Variants in ZNF385D observed in about 807,000 individuals in gnomAD.
ZNF385D encodes zinc finger protein 659.
A neutral mutation model predicts 35.8 loss-of-function variants in ZNF385D; 15 were observed. The observed-to-expected ratio is 0.42, with a 90% CI of 0.28 to 0.64. The LOEUF is 0.64. Ranked by LOEUF, ZNF385D falls within the 30% of genes least tolerant of loss-of-function variation. ZNF385D has a pLI of 0.23. For synonymous variants in ZNF385D, 212 were observed against 186.8 expected, an observed-to-expected ratio of 1.13 and a Z score of -1.10; for missense variants, 474 against 494.6, an observed-to-expected ratio of 0.96 and a Z score of 0.39.
At chr3:22,345,751 T>C (rs1695630008) in intron 2 of ZNF385D, among the ~76,000 whole-genome samples, 1 of 152,136 alleles carries the variant, frequency 6.6e-6, no homozygotes, top group Non-Finnish European at 1.5e-5. Flanking sequence ...GGCTGATACA[T>C]TCAATTATTT....
At chr3:22,259,713 A>C (rs1700520507) in intron 2 of ZNF385D, among the ~76,000 whole-genome samples, 1 of 152,036 alleles carries the variant, frequency 6.6e-6, no homozygotes. Context: ...ATGAGCACGT[A>C]GTAGTGAAGA....
intron 3 of ZNF385D, among the ~76,000 whole-genome samples, chr3:21,950,186 G>A (rs942975582): frequency 7.9e-5 from 12 of 151,738 alleles, no homozygotes; most frequent in Non-Finnish European, 1.8e-4. Flanking sequence ...GTGTAAAAGT[G>A]TTCCTGTTTC....
rs548937178 is a variant in ZNF385D at position 21,899,185 on chromosome 3, C to T, written c.326-234157G>A. Among the ~76,000 whole-genome samples, 54 of 152,088 alleles carry T rather than the reference C, an allele frequency of 3.6e-4. 1 individual carries two copies. Among genetic ancestry groups the T allele is most frequent in the African/African-American group, 7.7e-4 (32 of 41,496 alleles). The stretch of plus-strand genomic sequence containing the variant: ...TCTAGATGCCAAGAATGTTACTGTA[C>T]GTGCTACAATGCCCAGGACAGTGCC... On this transcript the variant is annotated intron_variant, in intron 3 of 5. Coordinates refer to the ZNF385D transcript ENST00000494108.
chr3:21,897,264 A>C (rs1422155741), intron 3 of ZNF385D, among the ~76,000 whole-genome samples: 1 of 152,150 alleles, frequency 6.6e-6, no homozygotes, highest in Non-Finnish European at 1.5e-5. Flanking sequence ...TTATTGATAA[A>C]CAGGCAAGAG....
intron 3 of ZNF385D, among the ~76,000 whole-genome samples, chr3:21,980,692 T>C (rs900278657): frequency 1.3e-5 from 2 of 152,180 alleles, no homozygotes; most frequent in Admixed American, 6.6e-5. Context: ...CCAATAGTTA[T>C]CTTTGCTGTT....
chr3:21,812,459 T>C (rs755700812), intron 3 of ZNF385D, among the ~76,000 whole-genome samples: 1 of 152,248 alleles, frequency 6.6e-6, no homozygotes, highest in Non-Finnish European at 1.5e-5. Flanking sequence ...AGGGAAGCCG[T>C]GATAGACGCT....
chr3:21,935,894 A>T (rs1701233631), intron 3 of ZNF385D, among the ~76,000 whole-genome samples: 1 of 152,134 alleles, frequency 6.6e-6, no homozygotes, highest in Non-Finnish European at 1.5e-5. Context: ...ATGTAAACAG[A>T]GTTTGGCTTG....
intron 1 of ZNF385D, among the ~76,000 whole-genome samples, chr3:21,738,600 T>C (rs2069360141): frequency 6.6e-6 from 1 of 152,182 alleles, no homozygotes; most frequent in Admixed American, 6.5e-5. Flanking sequence ...TTCACATCCC[T>C]ATCTCAGGAC....
At chr3:21,735,039 A>C (rs2125502058) in intron 1 of ZNF385D, among the ~76,000 whole-genome samples, 1 of 152,170 alleles carries the variant, frequency 6.6e-6, no homozygotes. Flanking sequence ...GGATCAGAAA[A>C]TTTTAGGGCC....
chr3:22,137,825 T>A (rs1290280068), intron 3 of ZNF385D, among the ~76,000 whole-genome samples: 1 of 151,826 alleles, frequency 6.6e-6, no homozygotes, highest in Non-Finnish European at 1.5e-5. Context: ...GCCAGGGCAA[T>A]CAGGCAGGAG....
At chr3:21,649,013 A>G (rs1290420902) in intron 2 of ZNF385D, among the ~76,000 whole-genome samples, 2 of 152,058 alleles carry the variant, frequency 1.3e-5, no homozygotes, top group South Asian at 2.1e-4. Context: ...CTACAATACA[A>G]ACCTAGGACT....
chr3:21,501,084 C>T (rs1706324435), intron 4 of ZNF385D, among the ~76,000 whole-genome samples: 1 of 152,124 alleles, frequency 6.6e-6, no homozygotes, highest in South Asian at 2.1e-4. Flanking sequence ...ACATGAATAA[C>T]ATGCCTGGTT....
chr3:21,644,634 C>G (rs1175232308), intron 2 of ZNF385D, among the ~76,000 whole-genome samples: 1 of 152,118 alleles, frequency 6.6e-6, no homozygotes, highest in Admixed American at 6.6e-5. Flanking sequence ...ATTTGAGTAC[C>G]TGCTGTATAT....
intron 3 of ZNF385D, among the ~76,000 whole-genome samples, chr3:21,992,911 C>T (rs1179451177): frequency 6.6e-6 from 1 of 152,142 alleles, no homozygotes; most frequent in Non-Finnish European, 1.5e-5. Context: ...GCAGTGAAGT[C>T]ACCAGGCTAA....
chr3:21,925,530 A>G (rs927676285), intron 3 of ZNF385D, among the ~76,000 whole-genome samples: 3 of 152,198 alleles, frequency 2.0e-5, no homozygotes, highest in Non-Finnish European at 4.4e-5. Flanking sequence ...TAAAAATAGA[A>G]AACAATGGAG....
At chr3:21,783,700 C>T (rs529829753) in intron 3 of ZNF385D, among the ~76,000 whole-genome samples, 2 of 152,214 alleles carry the variant, frequency 1.3e-5, no homozygotes, top group South Asian at 4.1e-4. Flanking sequence ...GCACGAAGAA[C>T]ACCGTAACAG....
chr3:22,312,234 G>A (rs149468140), intron 2 of ZNF385D, among the ~76,000 whole-genome samples: 100 of 151,918 alleles, frequency 6.6e-4, no homozygotes, highest in African/African-American at 2.3e-3. Context: ...GAAACACTGA[G>A]GAAAAAAATA....
At chr3:22,218,795 G>A (rs979093181) in intron 2 of ZNF385D, among the ~76,000 whole-genome samples, 1 of 151,976 alleles carries the variant, frequency 6.6e-6, no homozygotes, top group Non-Finnish European at 1.5e-5. Context: ...CCTTCAAGAA[G>A]ATTTTTTAAT....
At chr3:21,443,328 A>T (rs1048238696) in intron 4 of ZNF385D, 34 of 985,288 alleles carry the variant, frequency 3.5e-5, no homozygotes, top group Non-Finnish European at 3.9e-5. Flanking sequence ...CCTGGGGAAC[A>T]AAGTGTGGAG....
Sources: allele counts gnomAD v4.1 joint callset (sites outside exome capture counted in the v4.1 genomes callset), GRCh38; gene constraint gnomAD v4.1.1; transcripts MANE v1.5; gene names NCBI Gene and HGNC (gene_info 2026-07-23, HGNC 2026-07-21).